The following HADH variants were observed in gnomAD, a reference collection of about 807,000 sequenced individuals.
The protein encoded by HADH is hydroxyacyl-CoA dehydrogenase.
HADH carries 24 observed loss-of-function variants against 32.2 expected under a neutral mutation model. The observed-to-expected ratio is 0.75, with a 90% CI of 0.54 to 1.05. HADH has a LOEUF of 1.05. Ranked by LOEUF, HADH falls within the 50% of genes least tolerant of loss-of-function variation. HADH has a pLI of 0.00. For synonymous variants in HADH, 139 were observed against 152.5 expected (o/e 0.91, Z 0.65); for missense variants, 350 against 397.1 (o/e 0.88, Z 1.01).
In HADH at chr4:108,023,521, A is replaced by G; in HGVS notation, c.594A>G (p.Val198=). 1 of 1,612,350 alleles carries G rather than the reference A, an allele frequency of 6.2e-7. No homozygotes were observed. Among genetic ancestry groups the G allele is most frequent in the Non-Finnish European group, 8.5e-7 (1 of 1,178,370 alleles). The change falls in exon 5 of 8, where the codon GTA becomes GTG. Residue 198 remains valine, a synonymous_variant. Transcript: ENST00000309522. The part of the protein sequence containing the change: ...MTSQKTFESL[V]DFSKALGKHP... ...GCCAGAAGACATTTGAATCTTTGGT[A>G]GACTTTAGCAAAGCCCTAGGAAAGC...
chr4:108,014,425 C>T lies in HADH; in HGVS notation c.262-6C>T. 1 of 1,614,094 alleles carries T rather than the reference C, an allele frequency of 6.2e-7. No homozygotes were observed. The highest frequency in any genetic ancestry group is 8.5e-7 in the Non-Finnish European group (1 of 1,179,994). ...GAATGTTCTCTTCTTCCTCCCACTG[C>T]ATTAGGCCGGCGATGAATTTGTGGA... On this transcript the variant is annotated splice_region_variant and splice_polypyrimidine_tract_variant and intron_variant, in intron 2 of 7. Transcript: ENST00000309522.
chr4:108,009,830 G>T lies in HADH; in HGVS notation c.204G>T (p.Lys68Asn). 1 of 1,611,812 alleles carries T rather than the reference G, an allele frequency of 6.2e-7. No individual in the cohort carries two copies. Among genetic ancestry groups the T allele is most frequent in the South Asian group, 1.1e-5 (1 of 91,036 alleles). Reference sequence around the variant, plus strand: ...AGGACATCCTGGCAAAATCCAAAAAGGGAATTGAGGAAAGCCTTAGGAAAG... The same window carrying T: ...AGGACATCCTGGCAAAATCCAAAAATGGAATTGAGGAAAGCCTTAGGAAAG... The part of the protein sequence containing the change: ...QTEDILAKSK[K>N]GIEESLRKVA... The change falls in exon 2 of 8, where the codon AAG becomes AAT. Residue 68 changes from lysine (K) to asparagine (N), a missense_variant. Transcript: ENST00000309522.
chr4:108,027,325 A>T (rs1010195452), intron 5 of HADH: 10 of 371,754 alleles, frequency 2.7e-5, no homozygotes, highest in African/African-American at 2.1e-4. Flanking sequence ...TGTCACCCCC[A>T]GTTCACAGAT....
intron 2 of HADH, among the ~76,000 whole-genome samples, chr4:108,010,558 T>C (rs970034037): frequency 2.0e-5 from 3 of 152,240 alleles, no homozygotes; most frequent in Non-Finnish European, 4.4e-5. Context: ...TTGGATAGAA[T>C]TTCTCGCTGT....
At chr4:107,993,106 A>T (rs1016263214) in intron 1 of HADH, among the ~76,000 whole-genome samples, 1 of 152,164 alleles carries the variant, frequency 6.6e-6, no homozygotes, top group Middle Eastern at 3.2e-3. Context: ...ACAGAGCGAG[A>T]CTCCGTCTCA....
chr4:108,019,680 A>C lies in HADH; in HGVS notation c.546+14A>C. ...AAACTTGTGGAGGTCAGTGGGTGTC[A>C]GCTTGTGTGTGTCTGCCCGCTCTGC... On this transcript the variant is annotated intron_variant, in intron 4 of 7. Coordinates refer to ENST00000309522, the MANE Select transcript of HADH (RefSeq NM_005327.7). 1.2e-6 allele frequency: 2 copies of C among 1,613,878 alleles called. No individual in the cohort carries two copies. The highest frequency in any genetic ancestry group is 1.7e-6 in the Non-Finnish European group (2 of 1,179,814).
chr4:107,990,948 G>A (rs537478472), intron 1 of HADH, among the ~76,000 whole-genome samples: 1 of 152,118 alleles, frequency 6.6e-6, no homozygotes, highest in African/African-American at 2.4e-5. Flanking sequence ...CACCTTGTGG[G>A]TCAGGCTGAT....
chr4:108,017,345 G>A (rs10856985), intron 3 of HADH, among the ~76,000 whole-genome samples: 114,803 of 152,064 alleles, frequency 0.75, 45,897 homozygotes, highest in East Asian at 0.96. Context: ...TTTAGACAAA[G>A]TACAGACTCT....
chr4:108,016,005 A>G (rs1485971576), intron 3 of HADH, among the ~76,000 whole-genome samples: 1 of 152,134 alleles, frequency 6.6e-6, no homozygotes, highest in Non-Finnish European at 1.5e-5. Flanking sequence ...GGGAATGCCT[A>G]TAGACAGAGA....
chr4:108,009,170 A>T (rs1735391743), intron 1 of HADH, among the ~76,000 whole-genome samples: 2 of 152,164 alleles, frequency 1.3e-5, no homozygotes, highest in South Asian at 4.1e-4. Context: ...TAGAGTTTAA[A>T]TTCTTACCTA....
chr4:108,012,947 T>C (rs1160762245), intron 2 of HADH, among the ~76,000 whole-genome samples: 1 of 152,212 alleles, frequency 6.6e-6, no homozygotes, highest in African/African-American at 2.4e-5. Context: ...TCTTTTTTGT[T>C]GAGACGGAGG....
chr4:108,032,192 G>A (rs1736290210), intron 6 of HADH: 2 of 558,260 alleles, frequency 3.6e-6, no homozygotes, highest in Admixed American at 4.9e-5. Flanking sequence ...ATAGCCACCT[G>A]TTGCAGACTA....
At chr4:108,032,388 T>C (rs1553944712) in intron 6 of HADH, 4 of 1,577,772 alleles carry the variant, frequency 2.5e-6, no homozygotes, top group South Asian at 2.2e-5. Context: ...GTATCTTGAC[T>C]AAAAGGTTTG....
chr4:107,993,496 G>T (rs1218838424), intron 1 of HADH, among the ~76,000 whole-genome samples: 3 of 152,306 alleles, frequency 2.0e-5, no homozygotes, highest in Middle Eastern at 3.4e-3. Context: ...TAGTCAAGGT[G>T]CAGTTCTGCT....
At chr4:108,027,177 T>C (rs1736095650) in intron 5 of HADH, 1 of 207,780 alleles carries the variant, frequency 4.8e-6, no homozygotes, top group Non-Finnish European at 9.8e-6. Context: ...TTGAGGACCA[T>C]TCAAGGTGGA....
chr4:108,015,882 C>T (rs887619337), intron 3 of HADH, among the ~76,000 whole-genome samples: 12 of 151,994 alleles, frequency 7.9e-5, no homozygotes, highest in African/African-American at 2.9e-4. Context: ...TTCTGTGCTC[C>T]ACTCTCGGGC....
At position 108,018,526 on chromosome 4, in the gene HADH, C is replaced by T. The variant is rs145753239; in HGVS notation, c.420-1014C>T. 1.7e-3 allele frequency among the ~76,000 whole-genome samples: 253 copies of T among 152,258 alleles called. 3 individuals are homozygous for T. Among genetic ancestry groups the T allele is most frequent in the African/African-American group, 5.5e-3 (230 of 41,546 alleles). On this transcript the variant is annotated intron_variant, in intron 3 of 7. Coordinates refer to ENST00000309522, the MANE Select transcript of HADH (RefSeq NM_005327.7). ...CTCATACCTGGAAAGAGAAGGCTCT[C>T]CGCTGCCTACCCACACTGGTCTCGC...
At position 108,034,309 on chromosome 4, in the gene HADH, G is replaced by A. The variant is rs757282614; in HGVS notation, c.897G>A (p.Glu299=). 52 of 1,613,528 alleles carry A rather than the reference G, an allele frequency of 3.2e-5. No individual in the cohort carries two copies. In the Middle Eastern group the frequency reaches 5.0e-4, roughly 15 times the overall value. Residue 299 remains glutamate (E), a synonymous_variant, in exon 8 of 8, where the codon GAG becomes GAA. Transcript: ENST00000309522. The part of the protein sequence containing the change: ...PSPSLNKLVA[E]NKFGKKTGEG... ...CATCCTTAAATAAGCTGGTAGCAGA[G>A]AACAAGTTCGGCAAGAAGACTGGAG...
At position 108,023,520 on chromosome 4, in the gene HADH, T is replaced by A. The variant is rs1735962167; in HGVS notation, c.593T>A (p.Val198Glu). 3 of 1,612,398 alleles carry A rather than the reference T, an allele frequency of 1.9e-6. No individual in the cohort carries two copies. The highest frequency in any genetic ancestry group is 2.5e-6 in the Non-Finnish European group (3 of 1,178,536). The change falls in exon 5 of 8, where the codon GTA becomes GAA. Residue 198 changes from valine (V) to glutamate (E), a missense_variant. Val to Glu is a moderately radical substitution (Grantham distance 121). Coordinates refer to ENST00000309522, the MANE Select transcript of HADH (RefSeq NM_005327.7). ...MTSQKTFESL[V>E]DFSKALGKHP... ...AGCCAGAAGACATTTGAATCTTTGG[T>A]AGACTTTAGCAAAGCCCTAGGAAAG...
Sources: gnomAD v4.1 joint callset for allele counts (sites outside exome capture counted in the v4.1 genomes callset) on GRCh38, gnomAD v4.1.1 for gene constraint, MANE v1.5 for transcripts, NCBI Gene and HGNC (gene_info 2026-07-23, HGNC 2026-07-21) for gene names.